Variants in EFCAB8 observed in about 807,000 individuals in gnomAD.
EFCAB8 encodes the protein EF-hand calcium-binding domain-containing protein 8.
Under a neutral mutation model 116.3 loss-of-function variants are expected in EFCAB8, and 100 were observed. The observed-to-expected ratio is 0.86, with a 90% CI of 0.73 to 1.02. EFCAB8 has a LOEUF of 1.02. EFCAB8 is among the 50% of genes least tolerant of loss of function. The pLI is 0.00. For synonymous variants in EFCAB8, 558 were observed against 567.9 expected (o/e 0.98, Z 0.25); for missense variants, 1,320 against 1,416.9 (o/e 0.93, Z 1.10).
At chr20:32,906,738 T>C in intron 12 of EFCAB8, 105 bp from the exon 13 acceptor site, 1 of 731,260 alleles carries the variant, frequency 1.4e-6, no homozygotes. Context: ...TCTGTCTGGC[T>C]TCCTCTCCTG....
At chr20:32,863,932 G>A (rs1473133285) in intron 2 of EFCAB8, 98 bp downstream of exon 2, 16 of 1,370,580 alleles carry the variant, frequency 1.2e-5, no homozygotes, top group Admixed American at 4.7e-5. Flanking sequence ...TTTCTGCATC[G>A]GGGAGGGGGT....
intron 3 of EFCAB8, among the ~76,000 whole-genome samples, chr20:32,870,871 T>C (rs1484789771): frequency 6.6e-6 from 1 of 151,910 alleles, no homozygotes; most frequent in African/African-American, 2.4e-5. Flanking sequence ...TTTTTTTTTT[T>C]TTCCTGAAAT....
chr20:32,895,518 G>C (rs999876640), intron 9 of EFCAB8, among the ~76,000 whole-genome samples: 7 of 147,558 alleles, frequency 4.7e-5, no homozygotes, highest in African/African-American at 7.5e-5. Context: ...ATTTTTTTTT[G>C]TAGAGATGGG....
chr20:32,943,118 C>A (rs571663595), intron 22 of EFCAB8, among the ~76,000 whole-genome samples: 1 of 152,176 alleles, frequency 6.6e-6, no homozygotes, highest in Non-Finnish European at 1.5e-5. Context: ...TGATTTATCA[C>A]CCCATTGCTC....
In EFCAB8 at chr20:32,867,568, T is replaced by TA; in HGVS notation, c.43-13dup. 1 of 1,550,692 alleles carries TA rather than the reference T, an allele frequency of 6.4e-7. No homozygotes were observed. Among genetic ancestry groups the TA allele is most frequent in the East Asian group, 2.4e-5 (1 of 40,918 alleles). On this transcript the variant is annotated splice_polypyrimidine_tract_variant and intron_variant, in intron 2 of 26. Transcript: ENST00000400522. Reference sequence around the variant, plus strand: ...GAAACGCTCAGTCCCTGGTTCTTGTTATATTCGTTCCAGCTGTCCATCCCA... The same window carrying TA: ...GAAACGCTCAGTCCCTGGTTCTTGTTAATATTCGTTCCAGCTGTCCATCCCA...
chr20:32,884,724 T>C (rs1165551275), intron 5 of EFCAB8, among the ~76,000 whole-genome samples: 1 of 152,174 alleles, frequency 6.6e-6, no homozygotes, highest in Non-Finnish European at 1.5e-5. Context: ...CAAATGATTA[T>C]TCCCTGGGCC....
At chr20:32,863,328 C>T (rs1433147142) in intron 1 of EFCAB8, among the ~76,000 whole-genome samples, 1 of 152,122 alleles carries the variant, frequency 6.6e-6, no homozygotes, top group Non-Finnish European at 1.5e-5. Flanking sequence ...CTCCCGAAGT[C>T]CTGGCTTGCA....
At chr20:32,895,559 T>TC (rs1555856634) in intron 9 of EFCAB8, among the ~76,000 whole-genome samples, 1 of 148,200 alleles carries the variant, frequency 6.7e-6, no homozygotes, top group African/African-American at 2.5e-5. Context: ...CTGGTATCTT[T>TC]TTTCTTTCTT....
At chr20:32,939,121 CTTTCTCTT>C (rs1988253414) in intron 22 of EFCAB8, among the ~76,000 whole-genome samples, 4 of 114,924 alleles carry the variant, frequency 3.5e-5, no homozygotes, top group African/African-American at 1.0e-4. Flanking sequence ...TTCTCTCTTT[CTTTCTCTT>C]TCTTTCTTTC....
At chr20:32,910,235 T>C (rs1600413322) in intron 15 of EFCAB8, among the ~76,000 whole-genome samples, 1 of 152,178 alleles carries the variant, frequency 6.6e-6, no homozygotes, top group African/African-American at 2.4e-5. Flanking sequence ...ATGTGGAGTA[T>C]GAGACAGAGT....
chr20:32,961,271 C>G lies in EFCAB8; in HGVS notation c.3529C>G (p.Leu1177Val), dbSNP rs1753787684. 2.6e-6 allele frequency: 4 copies of G among 1,550,630 alleles called. 1 individual carries two copies. Among genetic ancestry groups the G allele is most frequent in the South Asian group, 2.4e-5 (2 of 83,924 alleles). Residue 1177 changes from leucine (L) to valine (V), a missense_variant, in exon 27 of 27, where the codon CTG becomes GTG. By Grantham distance (32) the Leu-to-Val change is conservative. Transcript: ENST00000400522. ...GGTGGCCCACCATGTCCAGAAGGAC[C>G]TGGTGCCCAGCAGGGAGCAGGCTGT... ...RLVAHHVQKD[L>V]VPSREQAVLD...
chr20:32,917,869 G>A (rs1987260083), intron 18 of EFCAB8, among the ~76,000 whole-genome samples: 1 of 152,152 alleles, frequency 6.6e-6, no homozygotes, highest in Non-Finnish European at 1.5e-5. Flanking sequence ...CCCCAGCAGG[G>A]ACTTAGGAAA....
In EFCAB8 at chr20:32,878,708, A is replaced by C. The variant is rs1340998880; in HGVS notation, c.332A>C (p.Lys111Thr). The change falls in exon 5 of 27, where the codon AAG (lysine) becomes ACG (threonine). Residue 111 changes from lysine (K) to threonine (T), a missense_variant. By Grantham distance (78) the Lys-to-Thr change is moderately conservative (BLOSUM62 -1). Coordinates refer to ENST00000400522, the MANE Select transcript of EFCAB8 (RefSeq NM_001143967.2). ...TTGTGCTTTCTTTCGAGGCAGCAAA[A>C]GTATGTGGATTACATGATGCGTGAG... ...SDCEGFVTWQ[K>T]YVDYMMREFQ... The C allele has an allele frequency of 1.3e-6, 2 of 1,551,586 alleles. No individual in the cohort carries two copies. Among genetic ancestry groups the C allele is most frequent in the Admixed American group, 2.0e-5 (1 of 50,974 alleles).
intron 1 of EFCAB8, among the ~76,000 whole-genome samples, chr20:32,861,040 A>G (rs1014572405): frequency 9.9e-5 from 15 of 152,224 alleles, no homozygotes; most frequent in Admixed American, 8.5e-4. Flanking sequence ...CCTGGCCTGC[A>G]TCGTGCTTTT....
intron 18 of EFCAB8, 93 bp from the exon 19 acceptor site, chr20:32,918,269 A>G: frequency 7.9e-7 from 1 of 1,272,010 alleles, no homozygotes; most frequent in Admixed American, 2.1e-5. Flanking sequence ...GGGGGGCTGG[A>G]GGGCCCTGTG....
intron 26 of EFCAB8, 143 bp downstream of exon 26, chr20:32,960,304 T>A: frequency 1.2e-6 from 1 of 808,074 alleles, no homozygotes; most frequent in Admixed American, 2.5e-5. Flanking sequence ...TTCTGGGCCA[T>A]GGACAGGTCT....
chr20:32,885,702 C>T (rs1317995804), intron 6 of EFCAB8, 62 bp downstream of exon 6: 2 of 1,528,770 alleles, frequency 1.3e-6, no homozygotes, highest in Non-Finnish European at 1.8e-6. Context: ...GCCTTAGCAC[C>T]CCCATGGTGA....
chr20:32,867,608 C>G lies in EFCAB8; in HGVS notation c.69C>G (p.Asn23Lys). The change falls in exon 3 of 27, where the codon AAC (asparagine) becomes AAG (lysine). Residue 23 changes from asparagine to lysine, a missense_variant. Transcript: ENST00000400522. ...TGTCCATCCCACATGGCTTCCAGAACAAGGAGGCTGCTAGCTCCCCAACAC... is the reference window on the plus strand; with the variant it reads ...TGTCCATCCCACATGGCTTCCAGAAGAAGGAGGCTGCTAGCTCCCCAACAC... ...QKLSIPHGFQ[N>K]KEAASSPTPS... 6.4e-7 allele frequency: 1 copy of G among 1,551,690 alleles called. No individual in the cohort carries two copies. The highest frequency in any genetic ancestry group is 8.7e-7 in the Non-Finnish European group (1 of 1,146,984).
At chr20:32,917,153 A>G (rs888001836) in intron 17 of EFCAB8, 148 bp from the exon 18 acceptor site, 16 of 638,150 alleles carry the variant, frequency 2.5e-5, no homozygotes, top group South Asian at 3.9e-5. Flanking sequence ...AATGAGGTCA[A>G]TGGGACATGG....
Sources: gnomAD v4.1 joint callset for allele counts (sites outside exome capture counted in the v4.1 genomes callset) on GRCh38, gnomAD v4.1.1 for gene constraint, MANE v1.5 for transcripts, NCBI Gene and HGNC (gene_info 2026-07-23, HGNC 2026-07-21) for gene names.